CPPED1: variants seen among roughly 807,000 people sequenced by gnomAD.
CPPED1 encodes serine/threonine-protein phosphatase CPPED1.
CPPED1 carries 28 observed loss-of-function variants against 28.0 expected under a neutral mutation model. The observed-to-expected ratio is 1.00, with a 90% confidence interval of 0.74 to 1.37. The LOEUF is 1.37. Among genes scored for constraint, CPPED1 ranks in the 40% most tolerant of loss-of-function variants. The probability of loss-of-function intolerance (pLI) is 0.00; values close to 1 mark genes in which losing one functional copy is unlikely to be tolerated. For missense variants in CPPED1, 504 were observed against 416.5 expected (o/e 1.21, Z -1.83); for synonymous variants, 198 against 180.2 (o/e 1.10, Z -0.79).
intron 2 of CPPED1, among the ~76,000 whole-genome samples, chr16:12,738,620 TCTC>T (rs149507722): frequency 6.6e-6 from 1 of 152,060 alleles, no homozygotes; most frequent in African/African-American, 2.4e-5. Context: ...AAAAGCAAAA[TCTC>T]CTAGCAAAGT....
At chr16:12,781,026 AC>A in intron 2 of CPPED1, 158 bp downstream of exon 2, 1 of 627,140 alleles carries the variant, frequency 1.6e-6, no homozygotes, top group South Asian at 1.9e-5. Flanking sequence ...ATGAGTGTGC[AC>A]TTTCTGATGT....
intron 2 of CPPED1, among the ~76,000 whole-genome samples, chr16:12,751,564 T>C (rs911381082): frequency 1.3e-5 from 2 of 152,172 alleles, no homozygotes; most frequent in Admixed American, 6.5e-5. Flanking sequence ...ACAACAGCCA[T>C]ACCCTAAAGA....
intron 3 of CPPED1, among the ~76,000 whole-genome samples, chr16:12,681,771 G>T (rs796604479): frequency 7.9e-5 from 12 of 152,238 alleles, no homozygotes; most frequent in African/African-American, 2.9e-4. Flanking sequence ...CAGCTGAGGG[G>T]GGCCCACATT....
intron 2 of CPPED1, among the ~76,000 whole-genome samples, chr16:12,733,297 C>T (rs2080209048): frequency 7.7e-6 from 1 of 130,260 alleles, no homozygotes; most frequent in African/African-American, 2.9e-5. Flanking sequence ...TTTTTTGAGA[C>T]AGAGTCTTGT....
At chr16:12,785,325 C>G (rs2080556184) in intron 1 of CPPED1, among the ~76,000 whole-genome samples, 1 of 152,144 alleles carries the variant, frequency 6.6e-6, no homozygotes, top group African/African-American at 2.4e-5. Flanking sequence ...TCATGGCTCC[C>G]TGCAGCCTTG....
intron 3 of CPPED1, among the ~76,000 whole-genome samples, chr16:12,683,701 G>A (rs1417376740): frequency 1.3e-5 from 2 of 152,004 alleles, no homozygotes; most frequent in East Asian, 1.9e-4. Context: ...GCCTGAACAC[G>A]CTTACCCCCA....
At chr16:12,680,776 G>A (rs1464484588) in intron 3 of CPPED1, among the ~76,000 whole-genome samples, 1 of 152,150 alleles carries the variant, frequency 6.6e-6, no homozygotes, top group Non-Finnish European at 1.5e-5. Context: ...TCCTTCTGGA[G>A]CTAAGCCTCT....
chr16:12,691,605 C>T (rs1459341252), intron 3 of CPPED1, among the ~76,000 whole-genome samples: 3 of 152,080 alleles, frequency 2.0e-5, no homozygotes, highest in African/African-American at 7.3e-5. Flanking sequence ...AAATGTGGCA[C>T]ATATACAGCA....
At chr16:12,763,973 G>GA (rs1596476479) in intron 2 of CPPED1, among the ~76,000 whole-genome samples, 2 of 151,520 alleles carry the variant, frequency 1.3e-5, no homozygotes, top group East Asian at 3.9e-4. Flanking sequence ...TCCTGCTATG[G>GA]AAAGACCAGG....
intron 2 of CPPED1, among the ~76,000 whole-genome samples, chr16:12,739,969 A>G (rs1054254482): frequency 1.2e-4 from 19 of 152,060 alleles, no homozygotes; most frequent in African/African-American, 3.1e-4. Flanking sequence ...TGTAAACCAA[A>G]TAAGTCAATG....
intron 3 of CPPED1, among the ~76,000 whole-genome samples, chr16:12,698,555 C>A (rs2080004302): frequency 6.6e-6 from 1 of 152,188 alleles, no homozygotes; most frequent in East Asian, 1.9e-4. Flanking sequence ...CCTCAGCCTC[C>A]CAAGTAGCTG....
intron 3 of CPPED1, among the ~76,000 whole-genome samples, chr16:12,666,666 T>C (rs1023204687): frequency 6.6e-6 from 1 of 152,174 alleles, no homozygotes; most frequent in African/African-American, 2.4e-5. Flanking sequence ...CCATTACATA[T>C]ACATCAGATC....
intron 2 of CPPED1, among the ~76,000 whole-genome samples, chr16:12,738,324 A>C (rs1191122406): frequency 6.6e-6 from 1 of 152,188 alleles, no homozygotes; most frequent in African/African-American, 2.4e-5. Context: ...ATATGCCAAC[A>C]ATGTTAATAG....
chr16:12,779,668 C>A lies in CPPED1; in HGVS notation c.289+1517G>T, dbSNP rs996329691. On this transcript the variant is annotated intron_variant, in intron 2 of 3. Transcript: ENST00000381774. ...GCCTCCCAAAGCACATAAGCCACCG[C>A]GCCCGGCCATTCTCATGTTTTCATT... Among the ~76,000 whole-genome samples the A allele has an allele frequency of 4.1e-4, 62 of 152,030 alleles. 1 individual carries two copies. Among genetic ancestry groups the A allele is most frequent in the African/African-American group, 1.4e-3 (60 of 41,410 alleles).
At position 12,661,175 on chromosome 16, in the gene CPPED1, T is replaced by C. The variant is rs2079792000; in HGVS notation, c.*3711A>G. 1 of 152,210 alleles carries C rather than the reference T, an allele frequency of 6.6e-6. No homozygotes were observed. Among genetic ancestry groups the C allele is most frequent in the Non-Finnish European group, 1.5e-5 (1 of 68,032 alleles). The allele number at this position is 152,210 out of a possible 1,614,324, so 9.4% of individuals were successfully genotyped here. On this transcript the variant is annotated 3_prime_UTR_variant, in exon 4 of 4. Coordinates refer to ENST00000381774, the MANE Select transcript of CPPED1 (RefSeq NM_018340.3). Reference sequence around the variant, plus strand: ...CAACCTTTTCTCAAAAGATTCTGCATTGGAATACAGACTGTAATATTAAAC... The same window carrying C: ...CAACCTTTTCTCAAAAGATTCTGCACTGGAATACAGACTGTAATATTAAAC...
chr16:12,783,758 G>A (rs552723161), intron 1 of CPPED1, among the ~76,000 whole-genome samples: 20 of 152,126 alleles, frequency 1.3e-4, no homozygotes, highest in African/African-American at 3.9e-4. Flanking sequence ...CTCTGCACAC[G>A]TTACAGAACA....
intron 2 of CPPED1, among the ~76,000 whole-genome samples, chr16:12,708,693 T>C (rs2080064371): frequency 6.6e-6 from 1 of 152,214 alleles, no homozygotes; most frequent in African/African-American, 2.4e-5. Context: ...CTCATTTGCA[T>C]GTAACAGAAT....
intron 2 of CPPED1, among the ~76,000 whole-genome samples, chr16:12,778,277 C>CTTTTTTTTTTTTTTTTTTT (rs371883790): frequency 1.7e-5 from 2 of 116,164 alleles, no homozygotes; most frequent in African/African-American, 3.4e-5. Context: ...TTCTTTCTTT[C>CTTTTTTTTTTTTTTTTTTT]TTTTTTTTTT....
chr16:12,705,493 C>T (rs749907943), intron 2 of CPPED1, among the ~76,000 whole-genome samples: 2 of 152,210 alleles, frequency 1.3e-5, no homozygotes, highest in Non-Finnish European at 1.5e-5. Context: ...CGTGGTGGCT[C>T]ATGCCTGTAA....
Sources: allele counts gnomAD v4.1 joint callset (sites outside exome capture counted in the v4.1 genomes callset), GRCh38; gene constraint gnomAD v4.1.1; transcripts MANE v1.5; gene names NCBI Gene and HGNC (gene_info 2026-07-23, HGNC 2026-07-21).